OAF: variants seen among roughly 807,000 people sequenced by gnomAD.
OAF encodes the protein out at first homolog, also known as out at first protein homolog.
In OAF, 13 loss-of-function variants were observed where a neutral mutation model predicts 22.5. That is an observed-to-expected ratio of 0.58 (90% CI 0.38 to 0.92). The LOEUF is 0.92. OAF is among the 40% of genes least tolerant of loss of function. OAF has a pLI of 0.00. For missense variants in OAF, 347 were observed against 381.8 expected, an observed-to-expected ratio of 0.91 and a Z score of 0.76; for synonymous variants, 175 against 170.5, an observed-to-expected ratio of 1.03 and a Z score of -0.21.
At chr11:120,219,394 C>T (rs905213695) in intron 1 of OAF, among the ~76,000 whole-genome samples, 1 of 152,180 alleles carries the variant, frequency 6.6e-6, no homozygotes, top group African/African-American at 2.4e-5. Flanking sequence ...CCAGGAACAG[C>T]GGCTGAGGCC....
chr11:120,225,053 A>G (rs1217042164), intron 1 of OAF, among the ~76,000 whole-genome samples: 1 of 152,134 alleles, frequency 6.6e-6, no homozygotes, highest in Admixed American at 6.5e-5. Context: ...GGGGAGGGAA[A>G]GGAAGAGGCG....
chr11:120,227,178 C>T (rs1428600928), intron 3 of OAF, among the ~76,000 whole-genome samples, 182 bp downstream of exon 3: 1 of 152,174 alleles, frequency 6.6e-6, no homozygotes, highest in African/African-American at 2.4e-5. Context: ...TGTACTGGCG[C>T]AGGAATCAGA....
At chr11:120,216,720 G>A (rs1938217123) in intron 1 of OAF, among the ~76,000 whole-genome samples, 1 of 152,198 alleles carries the variant, frequency 6.6e-6, no homozygotes, top group African/African-American at 2.4e-5. Context: ...ACTGCCACCT[G>A]GGATAATGGA....
intron 1 of OAF, among the ~76,000 whole-genome samples, chr11:120,220,409 C>CA (rs1476246237): frequency 3.3e-5 from 5 of 152,176 alleles, no homozygotes; most frequent in African/African-American, 1.2e-4. Context: ...TTCATTCACC[C>CA]TTCATGTATT....
At chr11:120,212,196 A>T (rs948405083) in intron 1 of OAF, among the ~76,000 whole-genome samples, 5 of 116,420 alleles carry the variant, frequency 4.3e-5, no homozygotes, top group Non-Finnish European at 6.5e-5. Context: ...AAGCGAGCCA[A>T]CCCCCCTATT....
rs116108132 is a variant in OAF, at chr11:120,225,498, G to T, written c.232-163G>T. 4.8e-3 allele frequency among the ~76,000 whole-genome samples: 727 copies of T among 152,262 alleles called. 7 individuals carry two copies. The highest frequency in any genetic ancestry group is 0.017 in the African/African-American group (692 of 41,528). Reference sequence around the variant, plus strand: ...GGGTGTGTTCTTTCTTTCAAGTCACGGGTTTAAACGGAAAAGATAAAAATT... The same window carrying T: ...GGGTGTGTTCTTTCTTTCAAGTCACTGGTTTAAACGGAAAAGATAAAAATT... On this transcript the variant is annotated intron_variant, in intron 1 of 3. Coordinates refer to ENST00000328965, the MANE Select transcript of OAF (RefSeq NM_178507.4).
chr11:120,217,711 A>C (rs1303030831), intron 1 of OAF, among the ~76,000 whole-genome samples: 2 of 152,208 alleles, frequency 1.3e-5, no homozygotes, highest in Non-Finnish European at 2.9e-5. Context: ...TTGCCGGTAC[A>C]CCAGAGACAA....
rs559666976 is a variant in OAF at position 120,225,245 on chromosome 11, C to CT, written c.232-415dup. 6.6e-5 allele frequency among the ~76,000 whole-genome samples: 10 copies of CT among 151,708 alleles called. No homozygotes were observed. In the South Asian group the frequency reaches 2.1e-3, roughly 32 times the overall value. On this transcript the variant is annotated intron_variant, in intron 1 of 3. Transcript: ENST00000328965. ...CCCCAGATCTACTGAATAAGAATGT[C>CT]TAAGATTTCTAGCCATTACAACTAC...
chr11:120,229,262 A>G lies in OAF; in HGVS notation c.*120A>G. 1 of 929,112 alleles carries G rather than the reference A, an allele frequency of 1.1e-6. No homozygotes were observed. Among genetic ancestry groups the G allele is most frequent in the Non-Finnish European group, 1.6e-6 (1 of 620,758 alleles). 57.6% of individuals were successfully genotyped at this position (929,112 alleles called of 1,614,324 possible). A position where few individuals can be genotyped will look rare whatever the true frequency, so the allele number is the denominator to read the frequency against. ...TCCCTCCCCACTCCCCTGGCCCTAG[A>G]GCCTGGGCCCCTCTGGCCCCATCTC... On this transcript the variant is annotated 3_prime_UTR_variant, in exon 4 of 4. Coordinates refer to ENST00000328965, the MANE Select transcript of OAF (RefSeq NM_178507.4).
At chr11:120,219,317 G>A (rs192200232) in intron 1 of OAF, among the ~76,000 whole-genome samples, 46 of 152,278 alleles carry the variant, frequency 3.0e-4, no homozygotes, top group African/African-American at 9.1e-4. Flanking sequence ...CGGTGTGCGC[G>A]AATGGGGAAG....
At position 120,229,877 on chromosome 11, in the gene OAF, C is replaced by T. The variant is rs1341361911; in HGVS notation, c.*735C>T. The T allele has an allele frequency of 1.3e-5, 2 of 152,602 alleles. No homozygotes were observed. Among genetic ancestry groups the T allele is most frequent in the African/African-American group, 2.4e-5 (1 of 41,448 alleles). The allele number at this position is 152,602 out of a possible 1,614,324, so 9.5% of individuals were successfully genotyped here. On this transcript the variant is annotated 3_prime_UTR_variant, in exon 4 of 4. Transcript: ENST00000328965. ...ATGAAGTACGAGGAAAACTTGAATT[C>T]CAGATTTTTAGTGCAAAGTATTTAT... is the stretch of plus-strand genomic sequence containing the variant.
At chr11:120,219,294 C>T (rs552803154) in intron 1 of OAF, among the ~76,000 whole-genome samples, 1 of 152,256 alleles carries the variant, frequency 6.6e-6, no homozygotes, top group Non-Finnish European at 1.5e-5. Context: ...CCCAGCTTGT[C>T]TGTGAAAGAG....
intron 3 of OAF, among the ~76,000 whole-genome samples, chr11:120,228,456 G>T (rs546694406): frequency 1.3e-5 from 2 of 152,214 alleles, no homozygotes; most frequent in South Asian, 4.2e-4. Flanking sequence ...AGCACACTCC[G>T]GTATGGTGAT....
chr11:120,226,741 ACT>A, intron 2 of OAF, 73 bp from the exon 3 acceptor site: 3 of 1,411,198 alleles, frequency 2.1e-6, no homozygotes, highest in East Asian at 2.3e-5. Flanking sequence ...GGCTCGCCTG[ACT>A]CTGGAGGGTC....
At chr11:120,215,231 G>C (rs1938193853) in intron 1 of OAF, among the ~76,000 whole-genome samples, 1 of 152,240 alleles carries the variant, frequency 6.6e-6, no homozygotes, top group Admixed American at 6.5e-5. Context: ...GCATGCACCT[G>C]TAGTCCCAGC....
At chr11:120,225,842 A>T (rs1455930628) in intron 2 of OAF, 47 bp downstream of exon 2, 2 of 1,561,162 alleles carry the variant, frequency 1.3e-6, no homozygotes, top group Non-Finnish European at 1.7e-6. Flanking sequence ...GACCCGCAGC[A>T]GACCCGGCCC....
At chr11:120,216,031 A>G (rs1445885517) in intron 1 of OAF, among the ~76,000 whole-genome samples, 1 of 152,106 alleles carries the variant, frequency 6.6e-6, no homozygotes, top group Admixed American at 6.5e-5. Flanking sequence ...GATAAGGGGA[A>G]CTGTACAGCT....
intron 3 of OAF, 47 bp from the exon 4 acceptor site, chr11:120,228,821 T>TACCAACCAAACA: frequency 1.9e-6 from 1 of 520,280 alleles, no homozygotes; most frequent in Non-Finnish European, 3.6e-6. Flanking sequence ...GGGAGCTCCT[T>TACCAACCAAACA]CCCTCCCTCC....
chr11:120,225,766 C>G lies in OAF; in HGVS notation c.337C>G (p.Pro113Ala). The G allele has an allele frequency of 6.2e-7, 1 of 1,604,152 alleles. No homozygotes were observed. Among genetic ancestry groups the G allele is most frequent in the Non-Finnish European group, 8.5e-7 (1 of 1,175,514 alleles). The change falls in exon 2 of 4, where the codon CCC becomes GCC. Residue 113 changes from proline (P) to alanine (A), a missense_variant. Pro to Ala is a conservative substitution (Grantham distance 27). Transcript: ENST00000328965. ...VTQLQHNEIIPSEAMAKLRQK... is the reference protein window; with the variant it reads ...VTQLQHNEIIASEAMAKLRQK... The stretch of plus-strand genomic sequence containing the variant: ...CCAGCTGCAGCACAATGAGATCATC[C>G]CCAGTGAGGCCATGGCCAAGCTCCG...
Sources: allele counts gnomAD v4.1 joint callset (sites outside exome capture counted in the v4.1 genomes callset), GRCh38; gene constraint gnomAD v4.1.1; transcripts MANE v1.5; gene names NCBI Gene and HGNC (gene_info 2026-07-23, HGNC 2026-07-21).